Variants in CDK8 observed in about 807,000 individuals in gnomAD.
CDK8 encodes the protein cyclin-dependent kinase 8.
CDK8 carries 29 observed loss-of-function variants against 71.5 expected under a neutral mutation model. The observed-to-expected ratio is 0.41, with a 90% CI of 0.30 to 0.55. CDK8 has a LOEUF of 0.55. CDK8 is among the 20% of genes least tolerant of loss of function. The pLI, the probability that CDK8 is intolerant of heterozygous loss-of-function variation, is 0.37. For synonymous variants in CDK8, 161 were observed against 192.1 expected (o/e 0.84, Z 1.34); for missense variants, 288 against 572.6 (o/e 0.50, Z 5.07).
intron 1 of CDK8, among the ~76,000 whole-genome samples, chr13:26,308,945 A>C (rs1874161640): frequency 1.3e-5 from 2 of 152,208 alleles, no homozygotes; most frequent in South Asian, 2.1e-4. Context: ...ACTTTGAACA[A>C]GTTACTTACC....
At chr13:26,320,924 T>C (rs1175708) in intron 1 of CDK8, among the ~76,000 whole-genome samples, 132,613 of 152,140 alleles carry the variant, frequency 0.87, 58,386 homozygotes, top group East Asian at 1. Context: ...CTGTTGGTGG[T>C]GATGTTAAAT....
intron 9 of CDK8, among the ~76,000 whole-genome samples, 186 bp downstream of exon 9, chr13:26,397,411 A>G (rs772152316): frequency 2.6e-5 from 4 of 152,144 alleles, no homozygotes; most frequent in Non-Finnish European, 5.9e-5. Flanking sequence ...CCAGACTCAT[A>G]TCATGGTTTG....
At chr13:26,292,112 A>T in intron 1 of CDK8, among the ~76,000 whole-genome samples, 1 of 152,242 alleles carries the variant, frequency 6.6e-6, no homozygotes, top group Non-Finnish European at 1.5e-5. Context: ...GTTTTAGAGA[A>T]AGATAGTTAT....
chr13:26,357,690 G>A (rs1271314643), intron 4 of CDK8, among the ~76,000 whole-genome samples: 1 of 152,194 alleles, frequency 6.6e-6, no homozygotes, highest in Non-Finnish European at 1.5e-5. Flanking sequence ...ATTGGCACAT[G>A]CAGTTGTGGA....
chr13:26,334,453 C>A (rs1872892361), intron 1 of CDK8, among the ~76,000 whole-genome samples: 1 of 151,992 alleles, frequency 6.6e-6, no homozygotes, highest in Non-Finnish European at 1.5e-5. Flanking sequence ...ATTTTTATGT[C>A]CTTAACTTCG....
rs576422125 is a variant in CDK8 at position 26,289,159 on chromosome 13, GTTC to G, written c.128+34395_128+34397del. On this transcript the variant is annotated intron_variant, in intron 1 of 12. Coordinates refer to ENST00000381527, the MANE Select transcript of CDK8 (RefSeq NM_001260.3). ...AACCTCTGCCTTCCGGGTTCAAGCA[GTTC>G]TTCTGCCTCAGCCTTCCAAGTAGCT... is the stretch of plus-strand genomic sequence containing the variant. Among the ~76,000 whole-genome samples, 582 of 147,002 alleles carry G rather than the reference GTTC, an allele frequency of 4.0e-3. 5 individuals carry two copies. Among genetic ancestry groups the G allele is most frequent in the African/African-American group, 0.013 (529 of 39,898 alleles).
chr13:26,404,232 T>C lies in CDK8; in HGVS notation c.*151T>C. 1.2e-6 allele frequency: 1 copy of C among 848,644 alleles called. No homozygotes were observed. The highest frequency in any genetic ancestry group is 1.8e-6 in the Non-Finnish European group (1 of 565,712). The allele number at this position is 848,644 out of a possible 1,614,324, so 52.6% of individuals were successfully genotyped here. The stretch of plus-strand genomic sequence containing the variant: ...GCCAAGTTCCACCACTTTTCACAGA[T>C]TGGGGTAGTGGCTTCCAAGTTGTAC... On this transcript the variant is annotated 3_prime_UTR_variant, in exon 13 of 13. Coordinates refer to ENST00000381527, the MANE Select transcript of CDK8 (RefSeq NM_001260.3).
intron 1 of CDK8, among the ~76,000 whole-genome samples, chr13:26,291,376 G>GT (rs1426917237): frequency 6.6e-6 from 1 of 152,124 alleles, no homozygotes; most frequent in East Asian, 1.9e-4. Flanking sequence ...ATACATAGAT[G>GT]TATGTATATA....
intron 1 of CDK8, among the ~76,000 whole-genome samples, chr13:26,336,593 G>T (rs1282238977): frequency 2.3e-5 from 3 of 131,198 alleles, no homozygotes; most frequent in Non-Finnish European, 4.6e-5. Context: ...TCGCTCTGTC[G>T]CCCAGGCTGG....
At chr13:26,314,674 C>A (rs573858091) in intron 1 of CDK8, among the ~76,000 whole-genome samples, 1 of 152,212 alleles carries the variant, frequency 6.6e-6, no homozygotes, top group Non-Finnish European at 1.5e-5. Flanking sequence ...AGTCCAGAGG[C>A]GTGTAATATG....
chr13:26,396,320 C>A lies in CDK8; in HGVS notation c.826C>A (p.His276Asn). 1 of 1,458,614 alleles carries A rather than the reference C, an allele frequency of 6.9e-7. No homozygotes were observed. Among genetic ancestry groups the A allele is most frequent in the African/African-American group, 1.4e-5 (1 of 70,242 alleles). 90.4% of individuals were successfully genotyped at this position (1,458,614 alleles called of 1,614,324 possible). A position where few individuals can be genotyped will look rare whatever the true frequency, so the allele number is the denominator to read the frequency against. The change falls in exon 8 of 13, where the codon CAT (histidine) becomes AAT (asparagine). Residue 276 changes from histidine (H) to asparagine (N), a missense_variant. Coordinates refer to ENST00000381527, the MANE Select transcript of CDK8 (RefSeq NM_001260.3). Reference sequence around the variant, plus strand: ...GGAAGATATAAAAAAGATGCCTGAACATTCAACATTAATGAAAGATTTCAG... The same window carrying A: ...GGAAGATATAAAAAAGATGCCTGAAAATTCAACATTAATGAAAGATTTCAG... ...DWEDIKKMPE[H>N]STLMKDFRRN... is the part of the protein sequence containing the mutation.
At chr13:26,310,704 C>T (rs189522586) in intron 1 of CDK8, among the ~76,000 whole-genome samples, 23 of 152,232 alleles carry the variant, frequency 1.5e-4, no homozygotes, top group African/African-American at 4.6e-4. Flanking sequence ...CTGCTCACCT[C>T]GTGCTGTGCA....
intron 1 of CDK8, among the ~76,000 whole-genome samples, chr13:26,285,201 C>T (rs1872949332): frequency 6.6e-6 from 1 of 152,116 alleles, no homozygotes; most frequent in South Asian, 2.1e-4. Flanking sequence ...CACTGCACCC[C>T]AGTCTGGGCA....
At chr13:26,279,403 T>C (rs1229706756) in intron 1 of CDK8, among the ~76,000 whole-genome samples, 1 of 152,000 alleles carries the variant, frequency 6.6e-6, no homozygotes, top group Non-Finnish European at 1.5e-5. Context: ...AAATGATCAA[T>C]CTTAGCATCA....
chr13:26,309,324 A>G (rs931332246), intron 1 of CDK8, among the ~76,000 whole-genome samples: 1 of 152,038 alleles, frequency 6.6e-6, no homozygotes, highest in Admixed American at 6.5e-5. Flanking sequence ...TGTTTTTAGT[A>G]GAGACGGGGT....
At chr13:26,304,990 T>C (rs1279995704) in intron 1 of CDK8, among the ~76,000 whole-genome samples, 1 of 152,194 alleles carries the variant, frequency 6.6e-6, no homozygotes, top group East Asian at 1.9e-4. Context: ...TTTAATTCTG[T>C]ATGCCTGTAG....
chr13:26,368,933 G>C (rs967808450), intron 4 of CDK8, among the ~76,000 whole-genome samples: 1 of 151,930 alleles, frequency 6.6e-6, no homozygotes, highest in Middle Eastern at 3.4e-3. Flanking sequence ...CCAACACACT[G>C]TCATGATGTT....
At chr13:26,285,227 C>T (rs547321227) in intron 1 of CDK8, among the ~76,000 whole-genome samples, 53 of 152,000 alleles carry the variant, frequency 3.5e-4, no homozygotes, top group Non-Finnish European at 7.2e-4. Flanking sequence ...AGCGAAACTC[C>T]GTCTCAAAAA....
chr13:26,388,425 A>C (rs1289292941), intron 6 of CDK8, among the ~76,000 whole-genome samples: 1 of 152,232 alleles, frequency 6.6e-6, no homozygotes, highest in Non-Finnish European at 1.5e-5. Flanking sequence ...ATTTAAGGAC[A>C]TATATAAACT....
Sources: gnomAD v4.1 joint callset for allele counts (sites outside exome capture counted in the v4.1 genomes callset) on GRCh38, gnomAD v4.1.1 for gene constraint, MANE v1.5 for transcripts, NCBI Gene and HGNC (gene_info 2026-07-23, HGNC 2026-07-21) for gene names.